The following TTN variants were observed in gnomAD, a reference collection of about 807,000 sequenced individuals.
TTN encodes the protein connectin.
Under a neutral mutation model 3,223.0 loss-of-function variants are expected in TTN, and 1,525 were observed. The observed-to-expected ratio is 0.47, with a 90% CI of 0.45 to 0.49. The LOEUF (loss-of-function observed/expected upper bound fraction) is 0.49. TTN is among the 20% of genes least tolerant of loss of function. The probability of loss-of-function intolerance (pLI) is 0.00; values close to 1 mark genes in which losing one functional copy is unlikely to be tolerated. For synonymous variants in TTN, 14,094 were observed against 15,161.0 expected (o/e 0.93, Z 5.17); for missense variants, 40,786 against 43,424.0 (o/e 0.94, Z 5.40).
At position 178,775,677 on chromosome 2, in the gene TTN, T is replaced by C; in HGVS notation, c.6187A>G (p.Thr2063Ala). ...AGTTCAATCTTGTCAGGTTTAAAAG[T>C]TGGAATCGTGATTTTGCCTTCTTCG... ...LAEEGKITIP[T>A]FKPDKIELSP... The change falls in exon 28 of 363, where the codon ACT becomes GCT. Residue 2063 changes from threonine (T) to alanine (A), a missense_variant. Transcript: ENST00000589042. 1 of 1,614,156 alleles carries C rather than the reference T, an allele frequency of 6.2e-7. No individual in the cohort carries two copies. Among genetic ancestry groups the C allele is most frequent in the Non-Finnish European group, 8.5e-7 (1 of 1,180,006 alleles).
chr2:178,614,404 T>G, intron 261 of TTN, 56 bp from the exon 262 acceptor site: 1 of 1,578,828 alleles, frequency 6.3e-7, no homozygotes, highest in Non-Finnish European at 8.6e-7. Context: ...TTTTTTATTT[T>G]TTTCTTTCAA....
Position 178,581,756 on chromosome 2 carries a change from C to T in TTN, c.66512G>A (p.Ser22171Asn), listed in dbSNP as rs775999434. 2 of 1,606,338 alleles carry T rather than the reference C, an allele frequency of 1.2e-6. No homozygotes were observed. Among genetic ancestry groups the T allele is most frequent in the Non-Finnish European group, 1.7e-6 (2 of 1,175,928 alleles). ...CTTGCCCCAAGATAGACTCACAGAGCTGCGAGTTGTATCATATACTTTAGG... is the reference window on the plus strand; with the variant it reads ...CTTGCCCCAAGATAGACTCACAGAGTTGCGAGTTGTATCATATACTTTAGG... The part of the protein sequence containing the change: ...AFPKVYDTTR[S>N]SVSLSWGKPA... The change falls in exon 316 of 363, where the codon AGC (serine) becomes AAC (asparagine). Residue 22171 changes from serine to asparagine, a missense_variant. Ser to Asn is a conservative substitution (Grantham distance 46). Coordinates refer to ENST00000589042, the MANE Select transcript of TTN (RefSeq NM_001267550.2).
In TTN at chr2:178,588,628, C is replaced by T; in HGVS notation, c.63097G>A (p.Glu21033Lys). 1 of 1,597,936 alleles carries T rather than the reference C, an allele frequency of 6.3e-7. No homozygotes were observed. Among genetic ancestry groups the T allele is most frequent in the Non-Finnish European group, 8.5e-7 (1 of 1,173,240 alleles). The stretch of plus-strand genomic sequence containing the variant: ...TCTGCCTTGACACGGAACTGATATT[C>T]ATGGTCTGGGAGGAGATTCTGTACT... The part of the protein sequence containing the change: ...MKVQNLLPDH[E>K]YQFRVKAENE... Residue 21033 changes from glutamate (E) to lysine (K), a missense_variant, in exon 304 of 363, where the codon GAA (glutamate) becomes AAA (lysine). Coordinates refer to ENST00000589042, the MANE Select transcript of TTN (RefSeq NM_001267550.2).
chr2:178,753,200 A>C lies in TTN; in HGVS notation c.11255-20T>G. On this transcript the variant is annotated intron_variant, in intron 46 of 362. Transcript: ENST00000589042. Reference sequence around the variant, plus strand: ...CAGGAGCTAAAATAGAAAAACATATAAAGAGATTTTAGTGATTAATTGCAT... The same window carrying C: ...CAGGAGCTAAAATAGAAAAACATATCAAGAGATTTTAGTGATTAATTGCAT... 23 of 1,588,728 alleles carry C rather than the reference A, an allele frequency of 1.4e-5. No individual in the cohort carries two copies. The highest frequency in any genetic ancestry group is 1.9e-5 in the Non-Finnish European group (22 of 1,159,870).
chr2:178,620,357 T>C lies in TTN; in HGVS notation c.46164A>G (p.Glu15388=). ...DKSVAELLII[E]APTEFVEHLE... Reference sequence around the variant, plus strand: ...AGTGTTCCACAAATTCTGTCGGGGCTTCTATGATGAGAAGCTCAGCAACAG... The same window carrying C: ...AGTGTTCCACAAATTCTGTCGGGGCCTCTATGATGAGAAGCTCAGCAACAG... The change falls in exon 248 of 363, where the codon GAA becomes GAG. Residue 15388 remains glutamate (E), a synonymous_variant. Coordinates refer to ENST00000589042, the MANE Select transcript of TTN (RefSeq NM_001267550.2). 1 of 1,607,458 alleles carries C rather than the reference T, an allele frequency of 6.2e-7. No individual in the cohort carries two copies. The highest frequency in any genetic ancestry group is 8.5e-7 in the Non-Finnish European group (1 of 1,176,054).
At chr2:178,619,055 G>C in intron 250 of TTN, 1 of 673,754 alleles carries the variant, frequency 1.5e-6, no homozygotes, top group South Asian at 2.2e-5. Flanking sequence ...TTGGAGAGTA[G>C]AGGATTGAGA....
At chr2:178,752,394 G>A (rs535714270) in intron 47 of TTN, among the ~76,000 whole-genome samples, 2 of 152,040 alleles carry the variant, frequency 1.3e-5, no homozygotes, top group Admixed American at 1.3e-4. Flanking sequence ...TGCAGAGAGT[G>A]GAATAAACGC....
At position 178,800,608 on chromosome 2, in the gene TTN, G is replaced by A; in HGVS notation, c.370C>T (p.Gln124Ter). ...TVRQGSQVRL[Q>*]VRVTGIPTPV... is the part of the protein sequence containing the mutation. ...GTAGGGATTCCAGTCACTCTCACTT[G>A]GAGTCTCACTTGGCTTCCTTGTCTC... Residue 124 changes from glutamine (Q) to a stop codon, truncating the protein, a stop_gained, in exon 4 of 363, where the codon CAA becomes TAA. Transcript: ENST00000589042. LOFTEE classifies it high-confidence loss of function. 1 of 1,613,438 alleles carries A rather than the reference G, an allele frequency of 6.2e-7. No homozygotes were observed. The highest frequency in any genetic ancestry group is 8.5e-7 in the Non-Finnish European group (1 of 1,179,550).
Position 178,592,115 on chromosome 2 carries a change from G to A in TTN, c.59789C>T (p.Thr19930Ile), listed in dbSNP as rs748016514. ...ASAQWSPLSATSKKKSHFAKH... is the reference protein window; with the variant it reads ...ASAQWSPLSAISKKKSHFAKH... ...AGCGAAGTGACTCTTTTTCTTTGAT[G>A]TAGCTGAGAGAGGTGACCACTGGGC... The change falls in exon 302 of 363, where the codon ACA becomes ATA. Residue 19930 changes from threonine (T) to isoleucine (I), a missense_variant. Thr to Ile is a moderately conservative substitution (Grantham distance 89, BLOSUM62 -1). Transcript: ENST00000589042. 3.7e-6 allele frequency: 6 copies of A among 1,612,900 alleles called. No individual in the cohort carries two copies. The South Asian group carries it at 6.6e-5, about 18-fold the overall frequency.
At chr2:178,579,915 T>C in intron 318 of TTN, 24 bp downstream of exon 318, 1 of 1,612,580 alleles carries the variant, frequency 6.2e-7, no homozygotes, top group Non-Finnish European at 8.5e-7. Flanking sequence ...CTCAAAATGA[T>C]GGGATGATGG....
Position 178,799,550 on chromosome 2 carries a change from G to A in TTN, c.851C>T (p.Ser284Leu), listed in dbSNP as rs775566677. The A allele has an allele frequency of 9.3e-5, 150 of 1,614,070 alleles. No homozygotes were observed. Among genetic ancestry groups the A allele is most frequent in the Non-Finnish European group, 1.2e-4 (138 of 1,180,020 alleles). The change falls in exon 6 of 363, where the codon TCG becomes TTG. Residue 284 changes from serine to leucine, a missense_variant. Ser to Leu is a moderately radical substitution (Grantham distance 145). Transcript: ENST00000589042. ...KAQLARQQSP[S>L]PIRHSPSPVR... is the part of the protein sequence containing the mutation. ...CGGGGAAGGGGAGTGTCTTATGGGC[G>A]ATGGGGACTGCTGCCGAGCCAGCTG... is the stretch of plus-strand genomic sequence containing the variant.
In TTN at chr2:178,607,943, T is replaced by C; in HGVS notation, c.52844A>G (p.Glu17615Gly). ...FVDKQLVGTN[E>G]WSRCTEKMIK... ...CATCTTCTCTGTGCAGCGTGACCAT[T>C]CATTTGTGCCAACCAACTGCTTATC... The change falls in exon 276 of 363, where the codon GAA (glutamate) becomes GGA (glycine). Residue 17615 changes from glutamate (E) to glycine (G), a missense_variant. Glu to Gly is a moderately conservative substitution (Grantham distance 98). Coordinates refer to ENST00000589042, the MANE Select transcript of TTN (RefSeq NM_001267550.2). The C allele has an allele frequency of 6.2e-7, 1 of 1,613,008 alleles. No individual in the cohort carries two copies. Among genetic ancestry groups the C allele is most frequent in the Non-Finnish European group, 8.5e-7 (1 of 1,179,310 alleles).
At position 178,584,832 on chromosome 2, in the gene TTN, G is replaced by A; in HGVS notation, c.64809C>T (p.Ser21603=). Residue 21603 remains serine, a synonymous_variant, in exon 310 of 363, where the codon AGC becomes AGT. Transcript: ENST00000589042. ...CTAGAGCCGTGACCCAGTCACCTCG[G>A]CTTACATCACACTTCTCCACTATAT... is the stretch of plus-strand genomic sequence containing the variant. ...TNYIVEKCDV[S]RGDWVTALAS... 6.2e-7 allele frequency: 1 copy of A among 1,613,384 alleles called. No individual in the cohort carries two copies. Among genetic ancestry groups the A allele is most frequent in the South Asian group, 1.1e-5 (1 of 91,074 alleles).
At chr2:178,775,275 G>GA in intron 28 of TTN, 73 bp from the exon 29 acceptor site, 1 of 1,612,058 alleles carries the variant, frequency 6.2e-7, no homozygotes, top group Admixed American at 1.7e-5. Flanking sequence ...GAGGAATGGG[G>GA]AAAGAAAATA....
rs553667328 is a variant in TTN, at chr2:178,598,069, A to G, written c.57112-11T>C. 41 of 1,607,606 alleles carry G rather than the reference A, an allele frequency of 2.6e-5. 1 individual carries two copies. The highest frequency in any genetic ancestry group is 3.3e-4 in the Middle Eastern group (2 of 6,042). ...TTCTTTATCTTTACCCTGGGGAGAAATCATAGACATTTTATAATTAGAATA... is the reference window on the plus strand; with the variant it reads ...TTCTTTATCTTTACCCTGGGGAGAAGTCATAGACATTTTATAATTAGAATA... On this transcript the variant is annotated splice_polypyrimidine_tract_variant and intron_variant, in intron 292 of 362. Coordinates refer to ENST00000589042, the MANE Select transcript of TTN (RefSeq NM_001267550.2).
intron 221 of TTN, 111 bp from the exon 222 acceptor site, chr2:178,640,221 C>A: frequency 1.1e-6 from 1 of 920,524 alleles, no homozygotes; most frequent in Non-Finnish European, 1.6e-6. Context: ...AATTTATATA[C>A]ATATAATTAT....
Position 178,572,910 on chromosome 2 carries a change from C to T in TTN, c.73222G>A (p.Gly24408Arg), listed in dbSNP as rs1386903866. 6.2e-7 allele frequency: 1 copy of T among 1,613,374 alleles called. No individual in the cohort carries two copies. The highest frequency in any genetic ancestry group is 1.1e-5 in the South Asian group (1 of 91,072). ...GTTCCAGGAACAAGGGCAGGTTCCC[C>T]AAGTCCTTCGGAATTCATGGCATAG... ...RIYAMNSEGLGEPALVPGTPK... is the reference protein window; with the variant it reads ...RIYAMNSEGLREPALVPGTPK... Residue 24408 changes from glycine to arginine, a missense_variant, in exon 326 of 363, where the codon GGG (glycine) becomes AGG (arginine). Transcript: ENST00000589042.
chr2:178,704,962 A>G lies in TTN; in HGVS notation c.29609T>C (p.Ile9870Thr), dbSNP rs777030251. 2 of 1,612,224 alleles carry G rather than the reference A, an allele frequency of 1.2e-6. No homozygotes were observed. The highest frequency in any genetic ancestry group is 2.2e-5 in the South Asian group (2 of 90,892). ...CCTCTCTGACCTCTCTATTTCCTCA[A>G]TTTCCTGAGAAGAACAAAAATGATA... is the stretch of plus-strand genomic sequence containing the variant. ...SQEEETHRLE[I>T]EEIERSERDE... is the part of the protein sequence containing the mutation. Residue 9870 changes from isoleucine (I) to threonine (T), a missense_variant, in exon 104 of 363, where the codon ATT becomes ACT. Physicochemically the swap from Ile to Thr is moderately conservative, Grantham distance 89 (BLOSUM62 -1). Coordinates refer to ENST00000589042, the MANE Select transcript of TTN (RefSeq NM_001267550.2).
At chr2:178,621,401 A>G in intron 245 of TTN, 33 bp from the exon 246 acceptor site, 1 of 1,607,024 alleles carries the variant, frequency 6.2e-7, no homozygotes. Flanking sequence ...TATTAGAAAC[A>G]TATGTCTTTG....
Sources: gnomAD v4.1 joint callset for allele counts (sites outside exome capture counted in the v4.1 genomes callset) on GRCh38, gnomAD v4.1.1 for gene constraint, MANE v1.5 for transcripts, NCBI Gene and HGNC (gene_info 2026-07-23, HGNC 2026-07-21) for gene names.